The following COPG2 variants were observed in gnomAD, a reference collection of about 807,000 sequenced individuals.
COPG2 encodes the protein coatomer subunit gamma-2.
In COPG2, 37 loss-of-function variants were observed where a neutral mutation model predicts 46.3. That is an observed-to-expected ratio of 0.80 (90% CI 0.61 to 1.05). The LOEUF is 1.05. Ranked by LOEUF, COPG2 falls within the 50% of genes least tolerant of loss-of-function variation. COPG2 has a pLI of 0.00. For synonymous variants in COPG2, 159 were observed against 129.7 expected, an observed-to-expected ratio of 1.23 and a Z score of -1.53; for missense variants, 427 against 387.8, an observed-to-expected ratio of 1.10 and a Z score of -0.85.
chr7:130,514,185 G>A (rs1314967503), intron 20 of COPG2, among the ~76,000 whole-genome samples: 1 of 152,262 alleles, frequency 6.6e-6, no homozygotes, highest in Non-Finnish European at 1.5e-5. Context: ...TTTGTGAGAA[G>A]TTTAATGAGA....
At chr7:130,605,126 G>C (rs373792415) in intron 9 of COPG2, 2 of 500,968 alleles carry the variant, frequency 4.0e-6, no homozygotes, top group Non-Finnish European at 7.9e-6. Flanking sequence ...ACAGTTCTTC[G>C]AGGCTCTTTA....
chr7:130,619,311 T>C (rs781934136), intron 5 of COPG2, among the ~76,000 whole-genome samples: 2 of 152,218 alleles, frequency 1.3e-5, no homozygotes, highest in Non-Finnish European at 2.9e-5. Context: ...ATGTATCTAA[T>C]GGCTATCTTA....
In COPG2 at chr7:130,601,520, G is replaced by A. The variant is rs189344161; in HGVS notation, c.737+9433C>T. Among the ~76,000 whole-genome samples the A allele has an allele frequency of 2.8e-3, 426 of 152,228 alleles. 3 individuals carry two copies. Among genetic ancestry groups the A allele is most frequent in the Non-Finnish European group, 4.1e-3 (277 of 68,032 alleles). On this transcript the variant is annotated intron_variant, in intron 9 of 23. Coordinates refer to ENST00000425248, the MANE Select transcript of COPG2 (RefSeq NM_012133.6). ...GAGTTCATGTCCTTTGCAGGGACAC[G>A]GATGAAACTGGAAACCATCATTCTC...
chr7:130,541,814 G>A (rs1057026006), intron 20 of COPG2, among the ~76,000 whole-genome samples: 10 of 143,694 alleles, frequency 7.0e-5, no homozygotes, highest in Admixed American at 4.2e-4. Context: ...CAGTGGGTGC[G>A]GGGCCAGGTC....
chr7:130,660,432 C>T (rs1446702118), intron 4 of COPG2, among the ~76,000 whole-genome samples: 2 of 152,116 alleles, frequency 1.3e-5, no homozygotes, highest in Admixed American at 6.5e-5. Flanking sequence ...GGTTCTCTCC[C>T]AGGGATCCTC....
In COPG2 at chr7:130,563,264, C is replaced by T. The variant is rs1028570044; in HGVS notation, c.939+5G>A. ...TAAGTCAATAATTAGCAAAGAAACACCTACCTTGTTCAAGGTCCTCACAGC... is the reference window on the plus strand; with the variant it reads ...TAAGTCAATAATTAGCAAAGAAACATCTACCTTGTTCAAGGTCCTCACAGC... On this transcript the variant is annotated splice_donor_5th_base_variant and intron_variant, in intron 11 of 23. Transcript: ENST00000425248. 6 of 397,936 alleles carry T rather than the reference C, an allele frequency of 1.5e-5. No homozygotes were observed. The highest frequency in any genetic ancestry group is 2.2e-5 in the Non-Finnish European group (5 of 225,844). The allele number at this position is 397,936 out of a possible 1,614,324, so 24.7% of individuals were successfully genotyped here.
intron 2 of COPG2, 76 bp downstream of exon 2, chr7:130,667,406 G>A (rs1796108492): frequency 2.5e-6 from 3 of 1,183,704 alleles, no homozygotes; most frequent in Admixed American, 1.9e-5. Flanking sequence ...CGTGATCACA[G>A]CAGCCCAGGG....
chr7:130,616,778 G>A (rs73724343), intron 6 of COPG2, among the ~76,000 whole-genome samples: 8,843 of 152,052 alleles, frequency 0.058, 328 homozygotes, highest in African/African-American at 0.11. Flanking sequence ...GTTCAAGGGG[G>A]CAAATAAAGA....
chr7:130,562,112 A>G (rs1179020575), intron 11 of COPG2, among the ~76,000 whole-genome samples: 12 of 152,164 alleles, frequency 7.9e-5, no homozygotes, highest in Admixed American at 7.2e-4. Context: ...CAATCCCAGC[A>G]CTCTGGGAGG....
chr7:130,617,010 C>T lies in COPG2; in HGVS notation c.379G>A (p.Ala127Thr), dbSNP rs531662622. ...EDVYRGPAIR[A>T]LCRITDGTML... Reference sequence around the variant, plus strand: ...CTTACATCGGTGATCCTGCAGAGAGCTCTGATGGCCGGGCCTCGGTATACA... The same window carrying T: ...CTTACATCGGTGATCCTGCAGAGAGTTCTGATGGCCGGGCCTCGGTATACA... Residue 127 changes from alanine to threonine, a missense_variant, in exon 6 of 24, where the codon GCT becomes ACT. By Grantham distance (58) the Ala-to-Thr change is moderately conservative. Coordinates refer to ENST00000425248, the MANE Select transcript of COPG2 (RefSeq NM_012133.6). 7 of 1,611,192 alleles carry T rather than the reference C, an allele frequency of 4.3e-6. No homozygotes were observed. In the South Asian group the frequency reaches 6.6e-5, roughly 15 times the overall value.
chr7:130,632,554 T>C (rs1261685729), intron 5 of COPG2, among the ~76,000 whole-genome samples: 3 of 152,168 alleles, frequency 2.0e-5, no homozygotes, highest in Non-Finnish European at 4.4e-5. Context: ...CTTTCTCCTC[T>C]TCTTCAGGGA....
chr7:130,512,518 A>G (rs1242427699), intron 20 of COPG2, among the ~76,000 whole-genome samples: 4 of 151,704 alleles, frequency 2.6e-5, no homozygotes, highest in Non-Finnish European at 4.4e-5. Context: ...AGTGGCTCAC[A>G]CTTGTAATTC....
intron 20 of COPG2, among the ~76,000 whole-genome samples, chr7:130,525,632 T>C (rs1011921334): frequency 6.6e-6 from 1 of 152,172 alleles, no homozygotes; most frequent in South Asian, 2.1e-4. Flanking sequence ...GCTAAAAGGA[T>C]AGAGATATAG....
At chr7:130,535,041 A>G (rs1362523262) in intron 20 of COPG2, among the ~76,000 whole-genome samples, 1 of 152,186 alleles carries the variant, frequency 6.6e-6, no homozygotes, top group African/African-American at 2.4e-5. Context: ...GAGCAATAGA[A>G]AACAGTTCTT....
intron 12 of COPG2, among the ~76,000 whole-genome samples, chr7:130,556,573 G>C (rs1478347237): frequency 2.0e-5 from 3 of 151,998 alleles, no homozygotes; most frequent in African/African-American, 7.2e-5. Context: ...AATAAAGATG[G>C]TATATATGTA....
chr7:130,532,917 C>T lies in COPG2; in HGVS notation c.2149+14757G>A, dbSNP rs1563038023. 2.0e-5 allele frequency among the ~76,000 whole-genome samples: 3 copies of T among 152,202 alleles called. No individual in the cohort carries two copies. In the South Asian group the frequency reaches 6.2e-4, roughly 32 times the overall value. On this transcript the variant is annotated intron_variant, in intron 20 of 23. Transcript: ENST00000425248. ...TTAGGCCAGTGGCAGAATCACAGAT[C>T]GTGCTGAGAGAATGCAGGATGGTGC...
intron 20 of COPG2, among the ~76,000 whole-genome samples, chr7:130,527,304 G>A (rs919270542): frequency 6.6e-6 from 1 of 151,564 alleles, no homozygotes; most frequent in Non-Finnish European, 1.5e-5. Context: ...ATTTCAAGCA[G>A]AGAGTGCCTG....
At chr7:130,667,006 G>A in intron 2 of COPG2, 77 bp from the exon 3 acceptor site, 1 of 727,340 alleles carries the variant, frequency 1.4e-6, no homozygotes, top group Non-Finnish European at 2.3e-6. Context: ...CTTTAATACA[G>A]ACTATTTTTA....
chr7:130,647,998 G>A (rs541375317), intron 5 of COPG2, among the ~76,000 whole-genome samples: 9 of 152,128 alleles, frequency 5.9e-5, no homozygotes, highest in African/African-American at 2.2e-4. Context: ...CCAAAGTGCT[G>A]GGATTACACG....
Sources: gnomAD v4.1 joint callset for allele counts (sites outside exome capture counted in the v4.1 genomes callset) on GRCh38, gnomAD v4.1.1 for gene constraint, MANE v1.5 for transcripts, NCBI Gene and HGNC (gene_info 2026-07-23, HGNC 2026-07-21) for gene names.